The following GLIS2 variants were observed in gnomAD, a reference collection of about 807,000 sequenced individuals.
GLIS2 encodes the protein GLIS family zinc finger 2, also known as zinc finger protein GLIS2.
In GLIS2, 14 loss-of-function variants were observed where a neutral mutation model predicts 35.6. The ratio of observed to expected loss-of-function variants is 0.39; its 90% confidence interval spans 0.26 to 0.61. The LOEUF (loss-of-function observed/expected upper bound fraction) is 0.61, where lower values mean the gene tolerates loss of function less well. Ranked by LOEUF, GLIS2 falls within the 20% of genes least tolerant of loss-of-function variation. GLIS2 has a pLI of 0.48. For synonymous variants in GLIS2, 368 were observed against 325.1 expected, an observed-to-expected ratio of 1.13 and a Z score of -1.42; for missense variants, 675 against 713.4, an observed-to-expected ratio of 0.95 and a Z score of 0.61.
chr16:4,327,665 G>A (rs901513557), intron 1 of GLIS2, among the ~76,000 whole-genome samples: 1 of 151,668 alleles, frequency 6.6e-6, no homozygotes, highest in Admixed American at 6.6e-5. Flanking sequence ...AGGGTGGCGG[G>A]GGGCCCGCCC....
At chr16:4,319,692 C>T (rs2053355783) in intron 1 of GLIS2, among the ~76,000 whole-genome samples, 1 of 152,132 alleles carries the variant, frequency 6.6e-6, no homozygotes, top group African/African-American at 2.4e-5. Flanking sequence ...CTCTAGTACT[C>T]TGCTGGGGGG....
In GLIS2 at chr16:4,333,411, G is replaced by A. The variant is rs2053517963; in HGVS notation, c.237G>A (p.Val79=). Reference sequence around the variant, plus strand: ...GACGCTTTTCAGCAGCCCCTCTCGTGGACCTCAGCCTGTCACCACCATCTG... The same window carrying A: ...GACGCTTTTCAGCAGCCCCTCTCGTAGACCTCAGCCTGTCACCACCATCTG... ...VEGRFSAAPL[V]DLSLSPPSGL... Residue 79 remains valine (V), a synonymous_variant, in exon 3 of 7, where the codon GTG becomes GTA. Coordinates refer to ENST00000433375, the MANE Select transcript of GLIS2 (RefSeq NM_032575.3). 6.2e-7 allele frequency: 1 copy of A among 1,612,854 alleles called. No homozygotes were observed. Among genetic ancestry groups the A allele is most frequent in the Non-Finnish European group, 8.5e-7 (1 of 1,180,020 alleles).
chr16:4,336,774 C>CA lies in GLIS2; in HGVS notation c.827dup (p.Asn276LysfsTer4). ...ACGAGGGCTGCAACAAGCGCTATTCCAACTCCAGTGACCGCTTTAAGCACA... is the reference window on the plus strand; with the variant it reads ...ACGAGGGCTGCAACAAGCGCTATTCCAAACTCCAGTGACCGCTTTAAGCACA... On this transcript the variant is annotated frameshift_variant, in exon 7 of 7. Coordinates refer to ENST00000433375, the MANE Select transcript of GLIS2 (RefSeq NM_032575.3). LOFTEE classifies it high-confidence loss of function. 6.2e-7 allele frequency: 1 copy of CA among 1,611,838 alleles called. No individual in the cohort carries two copies. Among genetic ancestry groups the CA allele is most frequent in the Non-Finnish European group, 8.5e-7 (1 of 1,179,456 alleles).
At chr16:4,333,213 C>T in intron 2 of GLIS2, 134 bp from the exon 3 acceptor site, 2 of 942,744 alleles carry the variant, frequency 2.1e-6, no homozygotes, top group South Asian at 1.4e-5. Context: ...CCACAGGCTG[C>T]TCCTCACATT....
rs1414134414 is a variant in GLIS2, at chr16:4,335,459, G to T, written c.775+66G>T. On this transcript the variant is annotated intron_variant, in intron 6 of 6. Coordinates refer to ENST00000433375, the MANE Select transcript of GLIS2 (RefSeq NM_032575.3). The surrounding 1 kb of genome is among the most constrained non-coding windows in gnomAD (Gnocchi z 4.6). Reference sequence around the variant, plus strand: ...CGCTCAGCTGAGACCGGCTGGGCAGGTCCCCAGGGGGAGGGGACTGTTAAG... The same window carrying T: ...CGCTCAGCTGAGACCGGCTGGGCAGTTCCCCAGGGGGAGGGGACTGTTAAG... 7.1e-7 allele frequency: 1 copy of T among 1,399,098 alleles called. No individual in the cohort carries two copies. The highest frequency in any genetic ancestry group is 1.2e-5 in the South Asian group (1 of 86,586). The allele number at this position is 1,399,098 out of a possible 1,614,324, so 86.7% of individuals were successfully genotyped here. A position where few individuals can be genotyped will look rare whatever the true frequency, so the allele number is the denominator to read the frequency against.
Position 4,337,224 on chromosome 16 carries a change from A to G in GLIS2, c.1275A>G (p.Gly425=), listed in dbSNP as rs930806642. The G allele has an allele frequency of 4.5e-6, 7 of 1,546,856 alleles. No homozygotes were observed. Among genetic ancestry groups the G allele is most frequent in the African/African-American group, 2.7e-5 (2 of 72,956 alleles). The change falls in exon 7 of 7, where the codon GGA becomes GGG. Residue 425 remains glycine (G), a synonymous_variant. Transcript: ENST00000433375. ...TGCCCTCGCCCTTTGGGGCTGGCGG[A>G]CTGGGCTTGCCTGTGGTCTCCCTCC... is the stretch of plus-strand genomic sequence containing the variant. The part of the protein sequence containing the change: ...PLLPSPFGAG[G]LGLPVVSLLA...
rs1171622841 is a variant in GLIS2, at chr16:4,335,346, G to A, written c.728G>A (p.Ser243Asn). Residue 243 changes from serine (S) to asparagine (N), a missense_variant, in exon 6 of 7, where the codon AGC (serine) becomes AAC (asparagine). Ser to Asn is a conservative substitution (Grantham distance 46). This residue lies in a region of GLIS2 where 133 missense variants were observed against 191.4 expected (regional missense o/e 0.69). Transcript: ENST00000433375. The surrounding 1 kb of genome is among the most constrained non-coding windows in gnomAD (Gnocchi z 4.6). ...KPHRCPTCSK[S>N]FSRLENLKIH... is the part of the protein sequence containing the mutation. ...CACCGCTGTCCGACCTGCAGCAAGA[G>A]CTTCTCCCGCCTGGAGAACCTGAAG... 5.0e-6 allele frequency: 8 copies of A among 1,613,798 alleles called. No homozygotes were observed. The highest frequency in any genetic ancestry group is 5.9e-6 in the Non-Finnish European group (7 of 1,180,032).
At chr16:4,333,660 C>T in intron 3 of GLIS2, 141 bp downstream of exon 3, 4 of 990,760 alleles carry the variant, frequency 4.0e-6, no homozygotes, top group Non-Finnish European at 5.8e-6. Flanking sequence ...ACCTGGAAGG[C>T]TCTAGGGGAG....
rs2053573909 is a variant in GLIS2 at position 4,337,771 on chromosome 16, A to G, written c.*247A>G. 1 of 603,900 alleles carries G rather than the reference A, an allele frequency of 1.7e-6. No homozygotes were observed. Among genetic ancestry groups the G allele is most frequent in the African/African-American group, 1.8e-5 (1 of 54,294 alleles). 37.4% of individuals were successfully genotyped at this position (603,900 alleles called of 1,614,324 possible). A position where few individuals can be genotyped will look rare whatever the true frequency, so the allele number is the denominator to read the frequency against. On this transcript the variant is annotated 3_prime_UTR_variant, in exon 7 of 7. Coordinates refer to ENST00000433375, the MANE Select transcript of GLIS2 (RefSeq NM_032575.3). Reference sequence around the variant, plus strand: ...GAAGCCTCGCTCCTGTCTGTCCCCCACCACCTGGCCCTCAGCTTCTGAGAG... The same window carrying G: ...GAAGCCTCGCTCCTGTCTGTCCCCCGCCACCTGGCCCTCAGCTTCTGAGAG...
chr16:4,333,099 C>T (rs1229856710), intron 2 of GLIS2, among the ~76,000 whole-genome samples: 1 of 152,192 alleles, frequency 6.6e-6, no homozygotes, highest in African/African-American at 2.4e-5. Flanking sequence ...CAGACCATTC[C>T]CGTCTGCAAA....
chr16:4,336,588 G>C (rs1366880337), intron 6 of GLIS2, 137 bp from the exon 7 acceptor site: 1 of 861,096 alleles, frequency 1.2e-6, no homozygotes, highest in Non-Finnish European at 1.9e-6. Flanking sequence ...CATGTGCTGG[G>C]GATGCCCCCT....
chr16:4,335,283 T>C lies in GLIS2; in HGVS notation c.665T>C (p.Met222Thr), dbSNP rs763992882. 6.2e-7 allele frequency: 1 copy of C among 1,613,760 alleles called. No homozygotes were observed. The highest frequency in any genetic ancestry group is 2.2e-5 in the East Asian group (1 of 44,858). ...HGRGFNARYK[M>T]LIHIRTHTNE... ...CGCCCTCCCTGGAGCAGGTACAAGA[T>C]GCTCATCCACATCCGCACACACACC... Residue 222 changes from methionine (M) to threonine (T), a missense_variant, in exon 6 of 7, where the codon ATG (methionine) becomes ACG (threonine). Transcript: ENST00000433375. The surrounding 1 kb of genome is among the most constrained non-coding windows in gnomAD (Gnocchi z 4.6).
chr16:4,319,264 T>C (rs1483571560), intron 1 of GLIS2, among the ~76,000 whole-genome samples: 1 of 152,168 alleles, frequency 6.6e-6, no homozygotes, highest in Non-Finnish European at 1.5e-5. Flanking sequence ...CGGAAGGTCC[T>C]GGGTGGTCTT....
At position 4,337,666 on chromosome 16, in the gene GLIS2, T is replaced by A; in HGVS notation, c.*142T>A. ...AGCCCGCCGGGAGCAAGGATGGTGC[T>A]AGGTCATTCATGGCTGGCCTCCCAG... On this transcript the variant is annotated 3_prime_UTR_variant, in exon 7 of 7. Transcript: ENST00000433375. 1.6e-6 allele frequency: 2 copies of A among 1,241,398 alleles called. No individual in the cohort carries two copies. Among genetic ancestry groups the A allele is most frequent in the Non-Finnish European group, 1.1e-6 (1 of 884,836 alleles). 76.9% of individuals were successfully genotyped at this position (1,241,398 alleles called of 1,614,324 possible). A position where few individuals can be genotyped will look rare whatever the true frequency, so the allele number is the denominator to read the frequency against.
chr16:4,336,614 G>C, intron 6 of GLIS2, 111 bp from the exon 7 acceptor site: 1 of 1,082,346 alleles, frequency 9.2e-7, no homozygotes, highest in South Asian at 1.3e-5. Context: ...CAGAATTGGG[G>C]CATCTATGTT....
At chr16:4,328,652 C>G (rs1248360278) in intron 1 of GLIS2, among the ~76,000 whole-genome samples, 1 of 152,192 alleles carries the variant, frequency 6.6e-6, no homozygotes. Flanking sequence ...CTGGCAGGAC[C>G]CAGTGGCAGG....
rs1482310081 is a variant in GLIS2 at position 4,337,455 on chromosome 16, G to A, written c.1506G>A (p.Glu502=). 3 of 1,578,170 alleles carry A rather than the reference G, an allele frequency of 1.9e-6. No homozygotes were observed. Among genetic ancestry groups the A allele is most frequent in the African/African-American group, 2.7e-5 (2 of 74,476 alleles). The change falls in exon 7 of 7, where the codon GAG becomes GAA. Residue 502 remains glutamate (E), a synonymous_variant. Transcript: ENST00000433375. ...TCAACTCAGCTGCCAGCAGCCCAGAGGCGTTGGCCCCTGGCTGGGTGGTCA... is the reference window on the plus strand; with the variant it reads ...TCAACTCAGCTGCCAGCAGCCCAGAAGCGTTGGCCCCTGGCTGGGTGGTCA... ...TGVNSAASSP[E]ALAPGWVVIP... is the part of the protein sequence containing the mutation.
In GLIS2 at chr16:4,333,384, G is replaced by A. The variant is rs886051990; in HGVS notation, c.210G>A (p.Glu70=). The A allele has an allele frequency of 2.5e-6, 4 of 1,613,024 alleles. No homozygotes were observed. The highest frequency in any genetic ancestry group is 3.4e-6 in the Non-Finnish European group (4 of 1,180,000). The change falls in exon 3 of 7, where the codon GAG becomes GAA. Residue 70 remains glutamate (E), a synonymous_variant. Coordinates refer to ENST00000433375, the MANE Select transcript of GLIS2 (RefSeq NM_032575.3). ...ACTCCAAGTTCCCCGAGAAGGTGGAGGGACGCTTTTCAGCAGCCCCTCTCG... is the reference window on the plus strand; with the variant it reads ...ACTCCAAGTTCCCCGAGAAGGTGGAAGGACGCTTTTCAGCAGCCCCTCTCG... ...LLNSKFPEKV[E]GRFSAAPLVD... is the part of the protein sequence containing the mutation.
chr16:4,316,305 G>C (rs933552494), intron 1 of GLIS2, among the ~76,000 whole-genome samples, 51 bp downstream of exon 1: 109 of 143,976 alleles, frequency 7.6e-4, no homozygotes, highest in Non-Finnish European at 6.7e-4. Context: ...GGGGCGGGGG[G>C]GGGGGGGCCC....
Sources: allele counts gnomAD v4.1 joint callset (sites outside exome capture counted in the v4.1 genomes callset), GRCh38; gene constraint gnomAD v4.1.1; regional missense constraint gnomAD v4.1.1; non-coding constraint Gnocchi (gnomAD v3.1); transcripts MANE v1.5; gene names NCBI Gene and HGNC (gene_info 2026-07-23, HGNC 2026-07-21).